The following BBS9 variants were observed in gnomAD, a reference collection of about 807,000 sequenced individuals.
BBS9 encodes protein PTHB1.
BBS9 carries 89 observed loss-of-function variants against 117.7 expected under a neutral mutation model. The ratio of observed to expected loss-of-function variants is 0.76; its 90% CI spans 0.64 to 0.90. BBS9 has a LOEUF of 0.90. Among genes scored for constraint, BBS9 ranks in the 40% least tolerant of loss-of-function variants. The pLI, the probability that BBS9 is intolerant of heterozygous loss-of-function variation, is 0.00. For synonymous variants in BBS9, 379 were observed against 370.9 expected, an observed-to-expected ratio of 1.02 and a Z score of -0.25; for missense variants, 982 against 1,042.2, an observed-to-expected ratio of 0.94 and a Z score of 0.80.
intron 5 of BBS9, among the ~76,000 whole-genome samples, chr7:33,243,174 G>A (rs147643768): frequency 3.3e-5 from 5 of 152,200 alleles, no homozygotes; most frequent in South Asian, 2.1e-4. Flanking sequence ...GATTGCTACC[G>A]TTGTTCCTCA....
chr7:33,597,739 G>A lies in BBS9; in HGVS notation c.2522-7126G>A, dbSNP rs1165304124. 2.6e-5 allele frequency among the ~76,000 whole-genome samples: 4 copies of A among 152,010 alleles called. No individual in the cohort carries two copies. In the East Asian group the frequency reaches 7.7e-4, roughly 29 times the overall value. On this transcript the variant is annotated intron_variant, in intron 21 of 22. Transcript: ENST00000242067. The stretch of plus-strand genomic sequence containing the variant: ...ATAGGAAGGAGGGGAACCTGCACTA[G>A]CTCTGGGACATTTGTGGCATCAGTT...
intron 21 of BBS9, among the ~76,000 whole-genome samples, chr7:33,547,590 A>G (rs1298379984): frequency 6.6e-6 from 1 of 152,200 alleles, no homozygotes; most frequent in Non-Finnish European, 1.5e-5. Context: ...GAGAGAAGTA[A>G]AGTCTTATAA....
intron 9 of BBS9, among the ~76,000 whole-genome samples, chr7:33,278,432 A>G (rs1562927672): frequency 6.6e-6 from 1 of 152,202 alleles, no homozygotes; most frequent in Non-Finnish European, 1.5e-5. Flanking sequence ...ACCACAGACT[A>G]TAGGATAATG....
chr7:33,173,473 G>A (rs933083754), intron 4 of BBS9, among the ~76,000 whole-genome samples: 3 of 151,676 alleles, frequency 2.0e-5, no homozygotes, highest in Admixed American at 2.0e-4. Flanking sequence ...TCGCGAGGAT[G>A]AGGCAGGAGA....
rs939587764 is a variant in BBS9 at position 33,635,179 on chromosome 7, C to G, written c.2524C>G (p.Pro842Ala). Among the ~76,000 whole-genome samples the G allele has an allele frequency of 6.6e-6, 1 of 152,018 alleles. No individual in the cohort carries two copies. Among genetic ancestry groups the G allele is most frequent in the Non-Finnish European group, 1.5e-5 (1 of 68,004 alleles). ...CCTCCATCTCTCTCTGTTCACAGAC[C>G]CCAGGACTGGACAGAGGATCGAGGC... Residue 842 changes from proline to alanine, a missense_variant and splice_region_variant, in exon 22 of 22, where the codon CCC (proline) becomes GCC (alanine). By Grantham distance (27) the Pro-to-Ala change is conservative. Coordinates refer to the BBS9 transcript ENST00000671952.
intron 21 of BBS9, among the ~76,000 whole-genome samples, chr7:33,615,188 C>G (rs1349558002): frequency 6.6e-6 from 1 of 151,958 alleles, no homozygotes; most frequent in African/African-American, 2.4e-5. Flanking sequence ...TACATCATAT[C>G]CAGCTGCCAA....
chr7:33,522,485 C>T (rs558076392), intron 20 of BBS9, among the ~76,000 whole-genome samples: 2 of 151,964 alleles, frequency 1.3e-5, no homozygotes, highest in East Asian at 1.9e-4. Flanking sequence ...ATTTGCATTT[C>T]TCTGATGGCC....
At chr7:33,174,855 T>G (rs1179538607) in intron 4 of BBS9, among the ~76,000 whole-genome samples, 1 of 152,238 alleles carries the variant, frequency 6.6e-6, no homozygotes, top group East Asian at 1.9e-4. Context: ...TGTGTTTCCC[T>G]CACCCATGTG....
intron 5 of BBS9, among the ~76,000 whole-genome samples, chr7:33,217,205 T>C (rs1214498892): frequency 6.6e-6 from 1 of 151,656 alleles, no homozygotes; most frequent in Admixed American, 6.6e-5. Context: ...TTAAAATATA[T>C]TTAAATGTAT....
intron 8 of BBS9, among the ~76,000 whole-genome samples, chr7:33,273,417 T>C (rs1303874837): frequency 2.0e-5 from 3 of 152,190 alleles, no homozygotes; most frequent in Non-Finnish European, 2.9e-5. Flanking sequence ...ACTTGTAAAA[T>C]TGGCCTCCGG....
intron 16 of BBS9, among the ~76,000 whole-genome samples, chr7:33,360,251 A>G (rs1820376133): frequency 6.6e-6 from 1 of 152,082 alleles, no homozygotes; most frequent in Non-Finnish European, 1.5e-5. Context: ...ATGAATATTT[A>G]AAAGTGGAAT....
chr7:33,137,500 AG>A (rs1442569454), intron 1 of BBS9, among the ~76,000 whole-genome samples: 1 of 152,236 alleles, frequency 6.6e-6, no homozygotes, highest in East Asian at 1.9e-4. Context: ...CCCCCGCTGC[AG>A]CCAGTGTCTT....
At chr7:33,549,965 A>C (rs1001914241) in intron 21 of BBS9, among the ~76,000 whole-genome samples, 1 of 152,224 alleles carries the variant, frequency 6.6e-6, no homozygotes, top group African/African-American at 2.4e-5. Context: ...TTTGTCTTCA[A>C]ATATGAGGAT....
intron 21 of BBS9, among the ~76,000 whole-genome samples, chr7:33,599,549 T>C (rs570132265): frequency 6.6e-6 from 1 of 152,298 alleles, no homozygotes; most frequent in Non-Finnish European, 1.5e-5. Context: ...AAGGGCCATA[T>C]ACATAATTTG....
intron 19 of BBS9, among the ~76,000 whole-genome samples, chr7:33,457,012 A>C (rs144764221): frequency 1.1e-3 from 171 of 152,344 alleles, no homozygotes; most frequent in African/African-American, 3.5e-3. Flanking sequence ...TTTGGTCACC[A>C]TGGTGCAAGG....
chr7:33,261,034 C>A (rs1221015490), intron 6 of BBS9, among the ~76,000 whole-genome samples: 1 of 151,522 alleles, frequency 6.6e-6, no homozygotes, highest in East Asian at 1.9e-4. Context: ...TATTTGTAGT[C>A]TCCATATATG....
At position 33,471,886 on chromosome 7, in the gene BBS9, G is replaced by A. The variant is rs770266660; in HGVS notation, c.2116-33577G>A. ...TGATTTTATGGGAAGCCAGGGTTCC[G>A]CACAGCTGGTAGAGCAGACTGGTAA... On this transcript the variant is annotated intron_variant, in intron 19 of 22. Coordinates refer to ENST00000242067, the MANE Select transcript of BBS9 (RefSeq NM_198428.3). Among the ~76,000 whole-genome samples, 15 of 152,322 alleles carry A rather than the reference G, an allele frequency of 9.8e-5. No individual in the cohort carries two copies. In the East Asian group the frequency reaches 1.9e-3, roughly 20 times the overall value.
intron 1 of BBS9, among the ~76,000 whole-genome samples, chr7:33,141,953 C>G (rs1174139336): frequency 1.3e-5 from 2 of 148,198 alleles, no homozygotes; most frequent in South Asian, 2.1e-4. Flanking sequence ...TTTTTTTTCT[C>G]GAGATGGAGT....
chr7:33,178,230 C>A (rs898247240), intron 5 of BBS9, among the ~76,000 whole-genome samples: 1 of 152,184 alleles, frequency 6.6e-6, no homozygotes, highest in Non-Finnish European at 1.5e-5. Context: ...GCTCATCGAG[C>A]CATGCTTTCT....
Sources: allele counts gnomAD v4.1 joint callset (sites outside exome capture counted in the v4.1 genomes callset), GRCh38; gene constraint gnomAD v4.1.1; transcripts MANE v1.5; gene names NCBI Gene and HGNC (gene_info 2026-07-23, HGNC 2026-07-21).